Variants in TAS2R1 observed in about 807,000 individuals in gnomAD.
TAS2R1 encodes taste 2 receptor member 1.
For synonymous variants in TAS2R1, 141 were observed against 134.2 expected (o/e 1.05, Z -0.35); for missense variants, 370 against 353.4 (o/e 1.05, Z -0.38).
chr5:9,820,334 C>G, the TAS2R1 span, among the ~76,000 whole-genome samples: 4 of 152,284 alleles, frequency 2.6e-5, no homozygotes, highest in East Asian at 7.7e-4. Context: ...CAGGCTTTGT[C>G]AGAACGCCTA....
At chr5:9,836,409 T>C in the TAS2R1 span, among the ~76,000 whole-genome samples, 1 of 152,116 alleles carries the variant, frequency 6.6e-6, no homozygotes, top group Non-Finnish European at 1.5e-5. Flanking sequence ...TAATTCTTTG[T>C]TGGAGGGCTG....
the TAS2R1 span, among the ~76,000 whole-genome samples, chr5:9,831,542 T>C: frequency 1.3e-5 from 2 of 151,766 alleles, no homozygotes; most frequent in Admixed American, 6.6e-5. Flanking sequence ...TAAACGTGAG[T>C]ATGGGGGATG....
chr5:9,638,306 C>T (rs1028656018), intron 2 of TAS2R1, among the ~76,000 whole-genome samples: 5 of 152,090 alleles, frequency 3.3e-5, no homozygotes, highest in Non-Finnish European at 5.9e-5. Context: ...GACATGGATT[C>T]CAGCACCTGC....
At chr5:9,663,419 T>G (rs1463205648) in intron 1 of TAS2R1, among the ~76,000 whole-genome samples, 1 of 152,196 alleles carries the variant, frequency 6.6e-6, no homozygotes, top group East Asian at 1.9e-4. Flanking sequence ...GAGAGATTTA[T>G]AAATTCCAGC....
At chr5:9,713,835 C>A (rs1579797030), upstream of TAS2R1, 1 of 152,110 alleles carries the variant, frequency 6.6e-6, no homozygotes, top group Non-Finnish European at 1.5e-5. Context: ...AGCTAAAGAC[C>A]AAACACTGGC....
At chr5:9,722,155 G>A in the TAS2R1 span, among the ~76,000 whole-genome samples, 10 of 152,270 alleles carry the variant, frequency 6.6e-5, no homozygotes, top group South Asian at 1.9e-3. Context: ...AGCTGGTAAG[G>A]ACCTGAGGCC....
chr5:9,871,044 G>GC, the TAS2R1 span, among the ~76,000 whole-genome samples: 1 of 152,258 alleles, frequency 6.6e-6, no homozygotes, highest in South Asian at 2.1e-4. Flanking sequence ...AATCACCTAG[G>GC]CTCTGGATCA....
chr5:9,651,092 G>C (rs1016707195), intron 2 of TAS2R1, among the ~76,000 whole-genome samples: 6 of 152,116 alleles, frequency 3.9e-5, no homozygotes, highest in African/African-American at 1.4e-4. Context: ...CAGACTCAGA[G>C]TATAAAAAGT....
chr5:9,761,822 T>C, the TAS2R1 span, among the ~76,000 whole-genome samples: 2 of 152,256 alleles, frequency 1.3e-5, no homozygotes, highest in Non-Finnish European at 1.5e-5. Context: ...CATCTTAGCC[T>C]GGTTCCAGAC....
At position 9,650,188 on chromosome 5, in the gene TAS2R1, C is replaced by T. The variant is rs552182566; in HGVS notation, c.-81+9233G>A. Among the ~76,000 whole-genome samples the T allele has an allele frequency of 3.3e-5, 5 of 152,158 alleles. No homozygotes were observed. The South Asian group carries it at 1.0e-3, about 32-fold the overall frequency. On this transcript the variant is annotated intron_variant, in intron 2 of 2. Transcript: ENST00000506620. ...ATTTGTATTCTAAGATGATAGAAAA[C>T]AATATATTCTAACGTTGCTTAAGAG...
intron 1 of TAS2R1, among the ~76,000 whole-genome samples, chr5:9,664,663 CCT>C (rs1740597725): frequency 6.6e-6 from 1 of 152,144 alleles, no homozygotes; most frequent in Non-Finnish European, 1.5e-5. Context: ...GGGATTCTCT[CCT>C]CTCAATTCTT....
chr5:9,789,683 T>A, the TAS2R1 span, among the ~76,000 whole-genome samples: 1 of 152,226 alleles, frequency 6.6e-6, no homozygotes, highest in Admixed American at 6.5e-5. Flanking sequence ...GCTGTGTGGA[T>A]CTGGCAATTT....
intron 1 of TAS2R1, among the ~76,000 whole-genome samples, chr5:9,667,504 C>T (rs897802476): frequency 7.2e-5 from 11 of 152,232 alleles, no homozygotes; most frequent in Non-Finnish European, 1.0e-4. Context: ...TGCAGGCAGG[C>T]ATAACCGTAT....
the TAS2R1 span, among the ~76,000 whole-genome samples, chr5:9,900,825 G>A: frequency 4.6e-5 from 7 of 151,794 alleles, no homozygotes; most frequent in Non-Finnish European, 7.4e-5. Flanking sequence ...GGGTTTCACC[G>A]TGTTAGGCAG....
At chr5:9,864,128 C>T in the TAS2R1 span, among the ~76,000 whole-genome samples, 1 of 152,342 alleles carries the variant, frequency 6.6e-6, no homozygotes, top group South Asian at 2.1e-4. Flanking sequence ...CCCTGTCCTG[C>T]TCTGCTTTCC....
At chr5:9,851,846 G>A in the TAS2R1 span, among the ~76,000 whole-genome samples, 1 of 152,166 alleles carries the variant, frequency 6.6e-6, no homozygotes, top group African/African-American at 2.4e-5. Flanking sequence ...GTCACACTAG[G>A]GGCGTCAAGT....
chr5:9,695,873 A>G (rs894208481), intron 1 of TAS2R1, among the ~76,000 whole-genome samples: 6 of 152,188 alleles, frequency 3.9e-5, no homozygotes, highest in Non-Finnish European at 8.8e-5. Context: ...GGAGAAGTGA[A>G]GAGACGATAC....
chr5:9,897,178 C>T, the TAS2R1 span, among the ~76,000 whole-genome samples: 1 of 152,164 alleles, frequency 6.6e-6, no homozygotes, highest in Non-Finnish European at 1.5e-5. Flanking sequence ...TGGCTGGGCA[C>T]GGTGGCTCAT....
intron 1 of TAS2R1, among the ~76,000 whole-genome samples, chr5:9,679,848 T>G (rs1320184409): frequency 6.6e-6 from 1 of 152,206 alleles, no homozygotes; most frequent in Non-Finnish European, 1.5e-5. Flanking sequence ...TCCCTTGCTG[T>G]GTCAGCTGTG....
Sources: gnomAD v4.1 joint callset for allele counts (sites outside exome capture counted in the v4.1 genomes callset) on GRCh38, gnomAD v4.1.1 for gene constraint, MANE v1.5 for transcripts, NCBI Gene and HGNC (gene_info 2026-07-23, HGNC 2026-07-21) for gene names.